MED12L: variants seen among roughly 807,000 people sequenced by gnomAD.
MED12L encodes the protein mediator of RNA polymerase II transcription subunit 12-like protein.
MED12L carries 60 observed loss-of-function variants against 281.3 expected under a neutral mutation model. The observed-to-expected ratio is 0.21, with a 90% CI of 0.17 to 0.26. The LOEUF (loss-of-function observed/expected upper bound fraction) is 0.26. Ranked by LOEUF, MED12L falls within the 10% of genes least tolerant of loss-of-function variation. The probability of loss-of-function intolerance (pLI) is 1.00; values close to 1 mark genes in which losing one functional copy is unlikely to be tolerated. For missense variants in MED12L, 2,146 were observed against 2,680.9 expected (o/e 0.80, Z 4.41); for synonymous variants, 974 against 987.2 (o/e 0.99, Z 0.25).
chr3:151,179,958 A>G (rs1722519964), intron 11 of MED12L, among the ~76,000 whole-genome samples: 1 of 152,180 alleles, frequency 6.6e-6, no homozygotes, highest in Admixed American at 6.5e-5. Context: ...ACCACTCTAA[A>G]TATCCTAAGG....
At chr3:151,198,247 CAA>C (rs1724946273) in intron 16 of MED12L, 3 of 508,948 alleles carry the variant, frequency 5.9e-6, no homozygotes, top group South Asian at 7.6e-5. Context: ...GCAAGCCTAA[CAA>C]TAAAGCTTGA....
chr3:151,211,408 T>A (rs1408190630), intron 16 of MED12L, among the ~76,000 whole-genome samples: 3 of 151,872 alleles, frequency 2.0e-5, no homozygotes, highest in African/African-American at 7.3e-5. Flanking sequence ...GTTTTTTTTT[T>A]GCAGATGTAG....
chr3:151,308,636 T>C (rs545940118), intron 16 of MED12L, among the ~76,000 whole-genome samples: 1 of 152,348 alleles, frequency 6.6e-6, no homozygotes, highest in East Asian at 1.9e-4. Flanking sequence ...TTCATGTAGA[T>C]GCTGTTCCTT....
chr3:151,316,989 G>A (rs1748335997), intron 16 of MED12L: 1 of 152,080 alleles, frequency 6.6e-6, no homozygotes, highest in Non-Finnish European at 1.5e-5. Context: ...TAAGGAGTGG[G>A]GGATGAAGTC....
chr3:151,339,116 A>ATAACC (rs1560047598), intron 16 of MED12L, among the ~76,000 whole-genome samples: 2 of 152,096 alleles, frequency 1.3e-5, no homozygotes, highest in African/African-American at 4.8e-5. Context: ...TATTTGTTGA[A>ATAACC]TGTTTGCCTC....
intron 5 of MED12L, among the ~76,000 whole-genome samples, chr3:151,152,462 T>C (rs555130460): frequency 6.6e-6 from 1 of 152,208 alleles, no homozygotes; most frequent in East Asian, 1.9e-4. Context: ...ATCCAGAGCA[T>C]TGCCTGGATT....
chr3:151,269,665 A>T (rs1014377530), intron 16 of MED12L: 5 of 407,070 alleles, frequency 1.2e-5, no homozygotes, highest in African/African-American at 1.1e-4. Context: ...CAGAATTTGG[A>T]GGTATTAAAT....
At chr3:151,185,308 AC>A (rs758816316) in intron 11 of MED12L, 21 bp from the exon 12 acceptor site, 1 of 1,610,328 alleles carries the variant, frequency 6.2e-7, no homozygotes, top group East Asian at 2.2e-5. Context: ...TGTGGCTGGT[AC>A]CCCTCTCTGT....
chr3:151,090,568 A>C (rs543679923), intron 2 of MED12L, among the ~76,000 whole-genome samples: 1 of 152,340 alleles, frequency 6.6e-6, no homozygotes, highest in Admixed American at 6.5e-5. Flanking sequence ...GAACATGAAT[A>C]AACTTGGGAT....
At chr3:151,131,612 AAAC>A (rs1010672500) in intron 5 of MED12L, among the ~76,000 whole-genome samples, 4 of 151,920 alleles carry the variant, frequency 2.6e-5, no homozygotes, top group African/African-American at 9.7e-5. Context: ...CTCCCTCAAA[AAAC>A]AAACAAACAA....
intron 16 of MED12L, among the ~76,000 whole-genome samples, chr3:151,224,697 G>A (rs1347328489): frequency 6.6e-6 from 1 of 152,120 alleles, no homozygotes; most frequent in South Asian, 2.1e-4. Flanking sequence ...TCATCACCCA[G>A]AGCATTTAAA....
intron 16 of MED12L, chr3:151,213,752 A>C (rs1342486506): frequency 1.9e-6 from 3 of 1,614,068 alleles, no homozygotes; most frequent in African/African-American, 2.7e-5. Context: ...ACGAAGATGT[A>C]GTTTGATGCT....
chr3:151,340,388 A>G (rs191302355), intron 16 of MED12L, among the ~76,000 whole-genome samples: 331 of 152,274 alleles, frequency 2.2e-3, no homozygotes, highest in Middle Eastern at 3.4e-3. Context: ...TATGCTTTGT[A>G]TAATTTTTCT....
In MED12L at chr3:151,355,126, G is replaced by A; in HGVS notation, c.2404G>A (p.Asp802Asn). ...TCTGCTTTATGTTTATGTAGTTGGG[G>A]ACGAAGGACAAAAAGCCAGGAAGAA... ...KKSTTETGVGDEGQKARKNKQ... is the reference protein window; with the variant it reads ...KKSTTETGVGNEGQKARKNKQ... The change falls in exon 18 of 45, where the codon GAC becomes AAC. Residue 802 changes from aspartate to asparagine, a missense_variant. By Grantham distance (23) the Asp-to-Asn change is conservative. Around this residue, in one of 9 missense-constraint regions of MED12L, gnomAD observed 404 missense variants for 603.5 expected, o/e 0.67. Coordinates refer to ENST00000687756, the MANE Select transcript of MED12L (RefSeq NM_001393769.1). The A allele has an allele frequency of 6.2e-7, 1 of 1,612,348 alleles. No homozygotes were observed.
chr3:151,392,467 GAAAAAAAAAA>G (rs200781609), intron 38 of MED12L, among the ~76,000 whole-genome samples: 3 of 95,858 alleles, frequency 3.1e-5, no homozygotes, highest in African/African-American at 9.7e-5. Context: ...TCCATCTCAA[GAAAAAAAAAA>G]AAAAAAAAAA....
chr3:151,419,162 T>G (rs1276931428), intron 43 of MED12L, among the ~76,000 whole-genome samples: 2 of 152,272 alleles, frequency 1.3e-5, no homozygotes, highest in African/African-American at 4.8e-5. Flanking sequence ...TTTCTTACTC[T>G]TATGTTTCTG....
At chr3:151,194,598 C>G (rs1273430310) in intron 16 of MED12L, among the ~76,000 whole-genome samples, 1 of 152,046 alleles carries the variant, frequency 6.6e-6, no homozygotes, top group African/African-American at 2.4e-5. Flanking sequence ...GAGGCTTGTA[C>G]AAGATAGGCT....
intron 16 of MED12L, among the ~76,000 whole-genome samples, chr3:151,244,564 A>C (rs1253694485): frequency 6.6e-6 from 1 of 151,360 alleles, no homozygotes; most frequent in East Asian, 1.9e-4. Context: ...GTTCTTTGAA[A>C]CCAGTGAGAA....
intron 16 of MED12L, among the ~76,000 whole-genome samples, chr3:151,293,536 G>A (rs1457112638): frequency 6.7e-6 from 1 of 148,878 alleles, no homozygotes; most frequent in Non-Finnish European, 1.5e-5. Flanking sequence ...CCTGAAGGTG[G>A]GCTCTGACCT....
Sources: gnomAD v4.1 joint callset for allele counts (sites outside exome capture counted in the v4.1 genomes callset) on GRCh38, gnomAD v4.1.1 for gene constraint, gnomAD v4.1.1 regional missense constraint, MANE v1.5 for transcripts, NCBI Gene and HGNC (gene_info 2026-07-23, HGNC 2026-07-21) for gene names.